The following CNTN4 variants were observed in gnomAD, a reference collection of about 807,000 sequenced individuals.
The protein encoded by CNTN4 is contactin 4.
Under a neutral mutation model 122.5 loss-of-function variants are expected in CNTN4, and 77 were observed. The observed-to-expected ratio is 0.63, with a 90% confidence interval of 0.52 to 0.76. The LOEUF (loss-of-function observed/expected upper bound fraction) is 0.76, where lower values mean the gene tolerates loss of function less well. Ranked by LOEUF, CNTN4 falls within the 30% of genes least tolerant of loss-of-function variation. The pLI is 0.00. For missense variants in CNTN4, 1,256 were observed against 1,259.1 expected (o/e 1.00, Z 0.04); for synonymous variants, 512 against 447.0 (o/e 1.15, Z -1.83).
At position 2,925,817 on chromosome 3, in the gene CNTN4, G is replaced by A. The variant is rs778601896; in HGVS notation, c.1358+38G>A. On this transcript the variant is annotated intron_variant, in intron 13 of 24. Transcript: ENST00000418658. ...ATTATTTTCAATATTTGGTTAACCT[G>A]TAAAAATGTGTTGGTCTGTTATTAA... 6.5e-6 allele frequency: 10 copies of A among 1,548,484 alleles called. No individual in the cohort carries two copies. In the East Asian group the frequency reaches 1.8e-4, roughly 28 times the overall value.
intron 2 of CNTN4, among the ~76,000 whole-genome samples, chr3:2,318,519 T>C (rs750843230): frequency 2.1e-4 from 32 of 152,316 alleles, no homozygotes; most frequent in South Asian, 2.1e-4. Context: ...TGTTTGTATA[T>C]TACTCTCCTC....
Position 2,709,446 on chromosome 3 carries a change from C to T in CNTN4, c.56-26769C>T, listed in dbSNP as rs1393147065. ...TTTCAAAGTTCCCTCAGGTGATCATCGTGTGCAATGGGGGATGGGAACTAC... is the reference window on the plus strand; with the variant it reads ...TTTCAAAGTTCCCTCAGGTGATCATTGTGTGCAATGGGGGATGGGAACTAC... On this transcript the variant is annotated intron_variant, in intron 4 of 24. Transcript: ENST00000418658. The surrounding 1 kb of genome is among the most constrained non-coding windows in gnomAD (Gnocchi z 5.0). Among the ~76,000 whole-genome samples, 2 of 152,024 alleles carry T rather than the reference C, an allele frequency of 1.3e-5. No homozygotes were observed. Among genetic ancestry groups the T allele is most frequent in the Admixed American group, 6.6e-5 (1 of 15,258 alleles).
At chr3:2,689,496 T>C (rs56171809) in intron 4 of CNTN4, among the ~76,000 whole-genome samples, 14,697 of 152,162 alleles carry the variant, frequency 0.097, 1,661 homozygotes, top group African/African-American at 0.27. Context: ...CATTCTTTTT[T>C]GTGACTTGCC....
chr3:2,725,313 G>A (rs2088147518), intron 4 of CNTN4, among the ~76,000 whole-genome samples: 1 of 152,100 alleles, frequency 6.6e-6, no homozygotes, highest in Non-Finnish European at 1.5e-5. Flanking sequence ...ACATTCTAAT[G>A]CATATGCCTG....
At chr3:2,420,467 A>G (rs6770651) in intron 3 of CNTN4, among the ~76,000 whole-genome samples, 151,862 of 151,876 alleles carry the variant, frequency 1, 75,924 homozygotes, top group Middle Eastern at 1. Flanking sequence ...ACAGAGTCTC[A>G]CTCTGTCCCC....
chr3:2,118,498 A>G, intron 2 of CNTN4, among the ~76,000 whole-genome samples: 1 of 152,250 alleles, frequency 6.6e-6, no homozygotes, highest in Non-Finnish European at 1.5e-5. Flanking sequence ...GAAGATTTTC[A>G]ACCAAATATT....
At chr3:2,532,239 A>G (rs908119194) in intron 3 of CNTN4, among the ~76,000 whole-genome samples, 2 of 152,122 alleles carry the variant, frequency 1.3e-5, no homozygotes, top group Non-Finnish European at 2.9e-5. Flanking sequence ...GTCTTATGGC[A>G]GGATTTGGGG....
At chr3:2,765,119 T>C (rs1043284744) in intron 6 of CNTN4, among the ~76,000 whole-genome samples, 3 of 152,262 alleles carry the variant, frequency 2.0e-5, no homozygotes, top group African/African-American at 7.2e-5. Flanking sequence ...AATTTCTAAA[T>C]GCCGTACTGT....
chr3:2,706,005 T>C (rs1303508104), intron 4 of CNTN4, among the ~76,000 whole-genome samples: 2 of 138,064 alleles, frequency 1.4e-5, no homozygotes, highest in African/African-American at 5.3e-5. Context: ...TATATAAAAA[T>C]AAATATATAT....
At chr3:2,806,701 A>G (rs2092475783) in intron 6 of CNTN4, among the ~76,000 whole-genome samples, 1 of 152,210 alleles carries the variant, frequency 6.6e-6, no homozygotes, top group African/African-American at 2.4e-5. Context: ...CAGGTGTTAC[A>G]TGAACTAAGA....
chr3:2,850,889 G>C (rs2093538888), intron 7 of CNTN4, among the ~76,000 whole-genome samples: 1 of 152,064 alleles, frequency 6.6e-6, no homozygotes, highest in African/African-American at 2.4e-5. Context: ...CAATCTCCTT[G>C]ATGTGTTGGA....
At chr3:2,799,794 C>T (rs886985724) in intron 6 of CNTN4, among the ~76,000 whole-genome samples, 2 of 151,958 alleles carry the variant, frequency 1.3e-5, no homozygotes, top group East Asian at 3.9e-4. Context: ...TCACATAGCT[C>T]GAGTTTATTT....
At chr3:2,312,414 A>G (rs973968477) in intron 2 of CNTN4, among the ~76,000 whole-genome samples, 3 of 152,112 alleles carry the variant, frequency 2.0e-5, no homozygotes, top group Non-Finnish European at 4.4e-5. Context: ...AGTAAATTGC[A>G]TTTATTTTTG....
chr3:2,258,626 A>G (rs1453894244), intron 2 of CNTN4, among the ~76,000 whole-genome samples: 3 of 152,114 alleles, frequency 2.0e-5, no homozygotes, highest in Non-Finnish European at 2.9e-5. Context: ...ACATAATATA[A>G]TTGGCTCTGA....
intron 4 of CNTN4, among the ~76,000 whole-genome samples, chr3:2,705,576 T>G (rs1271243665): frequency 2.9e-4 from 1 of 3,410 alleles, no homozygotes; most frequent in Admixed American, 4.3e-3. Flanking sequence ...TTTATAAATT[T>G]ATTTATATAT....
At chr3:2,518,180 A>C (rs1397416451) in intron 3 of CNTN4, among the ~76,000 whole-genome samples, 1 of 152,092 alleles carries the variant, frequency 6.6e-6, no homozygotes, top group Non-Finnish European at 1.5e-5. Flanking sequence ...TTTCTTACCT[A>C]AATTATTAGG....
intron 3 of CNTN4, among the ~76,000 whole-genome samples, chr3:2,497,629 A>G (rs1346478636): frequency 6.6e-6 from 1 of 152,172 alleles, no homozygotes; most frequent in Non-Finnish European, 1.5e-5. Flanking sequence ...GAAATTTCAT[A>G]TATTTTGTAT....
intron 7 of CNTN4, among the ~76,000 whole-genome samples, chr3:2,828,229 C>T (rs2093029104): frequency 6.6e-6 from 1 of 151,886 alleles, no homozygotes; most frequent in Non-Finnish European, 1.5e-5. Flanking sequence ...GTTTTAGGTC[C>T]TGAGTCTTTG....
chr3:3,046,660 GC>G (rs1305912627), intron 23 of CNTN4, among the ~76,000 whole-genome samples: 2 of 152,282 alleles, frequency 1.3e-5, no homozygotes, highest in East Asian at 3.9e-4. Context: ...GCCAGTACCA[GC>G]CTCTGCAAAA....
Sources: allele counts gnomAD v4.1 joint callset (sites outside exome capture counted in the v4.1 genomes callset), GRCh38; gene constraint gnomAD v4.1.1; non-coding constraint Gnocchi (gnomAD v3.1); transcripts MANE v1.5; gene names NCBI Gene and HGNC (gene_info 2026-07-23, HGNC 2026-07-21).